Variants in HACD1 observed in about 807,000 individuals in gnomAD.
HACD1 encodes the protein 3-hydroxyacyl-CoA dehydratase 1, also known as very-long-chain (3R)-3-hydroxyacyl-CoA dehydratase 1.
In HACD1, 41 loss-of-function variants were observed where a neutral mutation model predicts 32.0. That is an observed-to-expected ratio of 1.28 (90% CI 1.00 to 1.66). HACD1 has a LOEUF of 1.66. HACD1 is among the 40% of genes most tolerant of loss of function. HACD1 has a pLI of 0.00. For missense variants in HACD1, 396 were observed against 380.1 expected (o/e 1.04, Z -0.35); for synonymous variants, 142 against 139.0 (o/e 1.02, Z -0.15).
intron 6 of HACD1, among the ~76,000 whole-genome samples, chr10:17,593,668 C>T (rs923213666): frequency 6.6e-6 from 1 of 152,168 alleles, no homozygotes; most frequent in African/African-American, 2.4e-5. Flanking sequence ...ACTTCAACTG[C>T]TGAAAGATGA....
chr10:17,616,285 T>C lies in HACD1; in HGVS notation c.257+798A>G, dbSNP rs542179311. On this transcript the variant is annotated intron_variant, in intron 1 of 6. Coordinates refer to ENST00000361271, the MANE Select transcript of HACD1 (RefSeq NM_014241.4). ...CGTCTCAAAATAAATAAATAAATAA[T>C]AAAAAGAAAAAAAGAAAATAGTAAA... 3.3e-5 allele frequency among the ~76,000 whole-genome samples: 5 copies of C among 151,834 alleles called. No individual in the cohort carries two copies. The East Asian group carries it at 5.8e-4, about 18-fold the overall frequency.
intron 1 of HACD1, among the ~76,000 whole-genome samples, 174 bp from the exon 2 acceptor site, chr10:17,604,221 C>T (rs1327772680): frequency 1.3e-5 from 2 of 152,174 alleles, no homozygotes; most frequent in Non-Finnish European, 2.9e-5. Flanking sequence ...CACGGTGGCT[C>T]ATGCCTGTAA....
At position 17,617,109 on chromosome 10, in the gene HACD1, G is replaced by C; in HGVS notation, c.231C>G (p.Thr77=). Residue 77 remains threonine (T), a synonymous_variant, in exon 1 of 7, where the codon ACC becomes ACG. Transcript: ENST00000361271. ...RLGVLATAWL[T]FYDIAMTAGW... is the part of the protein sequence containing the mutation. The stretch of plus-strand genomic sequence containing the variant: ...CCGCGGTCATGGCGATGTCGTAGAA[G>C]GTGAGCCAGGCGGTGGCCAAGACCC... 6.7e-7 allele frequency: 1 copy of C among 1,501,244 alleles called. No individual in the cohort carries two copies. Among genetic ancestry groups the C allele is most frequent in the Non-Finnish European group, 8.9e-7 (1 of 1,128,124 alleles). The allele number at this position is 1,501,244 out of a possible 1,614,324, so 93.0% of individuals were successfully genotyped here.
chr10:17,599,495 T>A, intron 4 of HACD1, 84 bp from the exon 5 acceptor site: 1 of 1,480,532 alleles, frequency 6.8e-7, no homozygotes, highest in Admixed American at 2.4e-5. Context: ...ATTTATTGCC[T>A]TTTATTTATA....
chr10:17,606,657 T>C (rs1296875423), intron 1 of HACD1, among the ~76,000 whole-genome samples: 1 of 152,200 alleles, frequency 6.6e-6, no homozygotes, highest in Non-Finnish European at 1.5e-5. Flanking sequence ...AAGAGAATAA[T>C]AAGATGGCAG....
At chr10:17,602,766 C>T (rs1450436719) in intron 4 of HACD1, 1 of 152,246 alleles carries the variant, frequency 6.6e-6, no homozygotes, top group South Asian at 2.1e-4. Flanking sequence ...AACTTAATTC[C>T]TCCTAACTAA....
chr10:17,599,374 G>C lies in HACD1; in HGVS notation c.521C>G (p.Ala174Gly). The C allele has an allele frequency of 6.2e-7, 1 of 1,613,764 alleles. No individual in the cohort carries two copies. Among genetic ancestry groups the C allele is most frequent in the Non-Finnish European group, 8.5e-7 (1 of 1,179,944 alleles). The change falls in exon 5 of 7, where the codon GCG becomes GGG. Residue 174 changes from alanine to glycine, a missense_variant. By Grantham distance (60) the Ala-to-Gly change is moderately conservative. Coordinates refer to ENST00000361271, the MANE Select transcript of HACD1 (RefSeq NM_014241.4). ...NEESVVLFLV[A>G]WTVTEITRYS... is the part of the protein sequence containing the mutation. ...GCGAGTGATCTCTGTCACAGTCCAC[G>C]CGACCAGAAAAAGCACCACACTCTC...
rs1336564953 is a variant in HACD1 at position 17,599,360 on chromosome 10, C to T, written c.535G>A (p.Glu179Lys). The T allele has an allele frequency of 1.9e-6, 3 of 1,613,860 alleles. No homozygotes were observed. Among genetic ancestry groups the T allele is most frequent in the Non-Finnish European group, 2.5e-6 (3 of 1,180,008 alleles). Residue 179 changes from glutamate (E) to lysine (K), a missense_variant, in exon 5 of 7, where the codon GAG (glutamate) becomes AAG (lysine). Transcript: ENST00000361271. ...VLFLVAWTVTEITRYSFYTFS... is the reference protein window; with the variant it reads ...VLFLVAWTVTKITRYSFYTFS... ...GTGTAGAAGGAATAGCGAGTGATCTCTGTCACAGTCCACGCGACCAGAAAA... is the reference window on the plus strand; with the variant it reads ...GTGTAGAAGGAATAGCGAGTGATCTTTGTCACAGTCCACGCGACCAGAAAA...
chr10:17,600,489 C>T (rs1249769399), intron 4 of HACD1, among the ~76,000 whole-genome samples: 1 of 151,916 alleles, frequency 6.6e-6, no homozygotes, highest in African/African-American at 2.4e-5. Flanking sequence ...ACATGCCCTG[C>T]TAATTTTTGT....
intron 1 of HACD1, among the ~76,000 whole-genome samples, chr10:17,606,173 A>G (rs781984076): frequency 3.3e-5 from 5 of 152,184 alleles, no homozygotes; most frequent in Non-Finnish European, 7.3e-5. Flanking sequence ...CTGTCTCAAA[A>G]AAAACAAGAG....
intron 1 of HACD1, among the ~76,000 whole-genome samples, chr10:17,616,165 A>T (rs1216348727): frequency 6.6e-6 from 1 of 151,884 alleles, no homozygotes; most frequent in African/African-American, 2.4e-5. Flanking sequence ...GCTACTCGGG[A>T]GGCTGAGGCA....
chr10:17,614,171 G>A (rs1833035141), intron 1 of HACD1, among the ~76,000 whole-genome samples: 1 of 152,188 alleles, frequency 6.6e-6, no homozygotes, highest in African/African-American at 2.4e-5. Flanking sequence ...GGCTGGGCAC[G>A]GTGGCTCACA....
chr10:17,611,573 A>C (rs12240321), intron 1 of HACD1, among the ~76,000 whole-genome samples: 10,231 of 152,322 alleles, frequency 0.067, 550 homozygotes, highest in African/African-American at 0.15. Flanking sequence ...TTTGAAGGAC[A>C]ATGCATTTAT....
chr10:17,600,967 C>T (rs1479486921), intron 4 of HACD1, among the ~76,000 whole-genome samples: 11 of 151,998 alleles, frequency 7.2e-5, no homozygotes, highest in African/African-American at 1.2e-4. Context: ...TAGCATTGTG[C>T]GTGATTTAAC....
At chr10:17,606,411 A>C (rs1291772508) in intron 1 of HACD1, among the ~76,000 whole-genome samples, 1 of 152,204 alleles carries the variant, frequency 6.6e-6, no homozygotes, top group Non-Finnish European at 1.5e-5. Context: ...GTTTAAGTTT[A>C]AGCAACTTAC....
intron 5 of HACD1, among the ~76,000 whole-genome samples, chr10:17,598,282 GA>G (rs1260360948): frequency 5.2e-5 from 7 of 134,052 alleles, no homozygotes; most frequent in Non-Finnish European, 8.0e-5. Flanking sequence ...AAAAAAAAGA[GA>G]AAAAAACCCA....
At chr10:17,597,589 A>G (rs1040939337) in intron 5 of HACD1, among the ~76,000 whole-genome samples, 1 of 152,246 alleles carries the variant, frequency 6.6e-6, no homozygotes, top group Non-Finnish European at 1.5e-5. Context: ...AAAATATGCA[A>G]TGTACATTCT....
intron 5 of HACD1, 166 bp downstream of exon 5, chr10:17,599,124 T>A: frequency 1.6e-6 from 2 of 1,218,354 alleles, no homozygotes; most frequent in Non-Finnish European, 2.1e-6. Context: ...ATTAAGCTTT[T>A]AGAATACAAA....
At chr10:17,592,440 A>G (rs1833941131) in intron 6 of HACD1, among the ~76,000 whole-genome samples, 1 of 152,188 alleles carries the variant, frequency 6.6e-6, no homozygotes, top group South Asian at 2.1e-4. Flanking sequence ...AACATTAAGA[A>G]TGCAGGGGGA....
Sources: gnomAD v4.1 joint callset for allele counts (sites outside exome capture counted in the v4.1 genomes callset) on GRCh38, gnomAD v4.1.1 for gene constraint, MANE v1.5 for transcripts, NCBI Gene and HGNC (gene_info 2026-07-23, HGNC 2026-07-21) for gene names.